PARD3: variants seen among roughly 807,000 people sequenced by gnomAD.
PARD3 encodes the protein par-3 family cell polarity regulator, also known as partitioning defective 3 homolog.
In PARD3, 75 loss-of-function variants were observed where a neutral mutation model predicts 155.4. The ratio of observed to expected loss-of-function variants is 0.48; its 90% CI spans 0.40 to 0.58. PARD3 has a LOEUF of 0.58. Ranked by LOEUF, PARD3 falls within the 20% of genes least tolerant of loss-of-function variation. The pLI is 0.00. For synonymous variants in PARD3, 576 were observed against 610.5 expected (o/e 0.94, Z 0.83); for missense variants, 1,642 against 1,721.7 (o/e 0.95, Z 0.82).
chr10:34,415,071 G>C (rs976199486), intron 5 of PARD3, among the ~76,000 whole-genome samples: 1 of 152,108 alleles, frequency 6.6e-6, no homozygotes, highest in African/African-American at 2.4e-5. Context: ...TCAGGAAGAA[G>C]AACCACCAAC....
chr10:34,313,782 T>C (rs990778991), intron 20 of PARD3, among the ~76,000 whole-genome samples: 1 of 151,930 alleles, frequency 6.6e-6, no homozygotes, highest in Non-Finnish European at 1.5e-5. Flanking sequence ...ATGATGGGGG[T>C]AGGACAGGAT....
intron 2 of PARD3, among the ~76,000 whole-genome samples, chr10:34,541,551 C>T (rs185641044): frequency 2.6e-5 from 4 of 152,174 alleles, no homozygotes; most frequent in Admixed American, 6.5e-5. Flanking sequence ...AACAGCACAA[C>T]CTTTGTCTCC....
At chr10:34,154,831 G>T (rs1948931445) in intron 22 of PARD3, among the ~76,000 whole-genome samples, 1 of 152,060 alleles carries the variant, frequency 6.6e-6, no homozygotes, top group Non-Finnish European at 1.5e-5. Context: ...CGGTTAATTT[G>T]GGAAGACTGA....
Position 34,379,997 on chromosome 10 carries a change from C to A in PARD3, c.1400-1891G>T, listed in dbSNP as rs374785705. Among the ~76,000 whole-genome samples, 228 of 152,140 alleles carry A rather than the reference C, an allele frequency of 1.5e-3. 2 individuals carry two copies. The highest frequency in any genetic ancestry group is 5.3e-3 in the African/African-American group (219 of 41,550). On this transcript the variant is annotated intron_variant, in intron 9 of 24. Transcript: ENST00000374788. ...ACTGCTGCCACTCAAAGCACATTAGCTCACTTTGAACTGAATCTGAAGTTT... is the reference window on the plus strand; with the variant it reads ...ACTGCTGCCACTCAAAGCACATTAGATCACTTTGAACTGAATCTGAAGTTT...
intron 2 of PARD3, among the ~76,000 whole-genome samples, chr10:34,528,491 G>C (rs112925009): frequency 3.3e-5 from 5 of 152,234 alleles, no homozygotes; most frequent in African/African-American, 1.2e-4. Flanking sequence ...CGTGGCCCTA[G>C]GTAACTTCTT....
chr10:34,418,418 C>T (rs796628581), intron 5 of PARD3, among the ~76,000 whole-genome samples: 23 of 152,238 alleles, frequency 1.5e-4, no homozygotes, highest in African/African-American at 5.5e-4. Context: ...AAGCAATCTG[C>T]CCACGTAGGC....
intron 22 of PARD3, among the ~76,000 whole-genome samples, chr10:34,194,197 T>C (rs1019450520): frequency 6.6e-6 from 1 of 152,172 alleles, no homozygotes; most frequent in Non-Finnish European, 1.5e-5. Context: ...AAATAAGACA[T>C]ACTAAGCAAA....
At chr10:34,730,648 G>A (rs2094800120) in intron 1 of PARD3, among the ~76,000 whole-genome samples, 1 of 152,170 alleles carries the variant, frequency 6.6e-6, no homozygotes, top group Non-Finnish European at 1.5e-5. Flanking sequence ...AGCCATGTGT[G>A]ATGATGCATG....
intron 14 of PARD3, among the ~76,000 whole-genome samples, chr10:34,357,443 T>C (rs1839004255): frequency 6.6e-6 from 1 of 152,204 alleles, no homozygotes; most frequent in African/African-American, 2.4e-5. Context: ...AAAACTGTCC[T>C]GTGTAATGGG....
chr10:34,207,496 C>T (rs914933168), intron 22 of PARD3, among the ~76,000 whole-genome samples: 7 of 152,100 alleles, frequency 4.6e-5, no homozygotes, highest in African/African-American at 1.7e-4. Flanking sequence ...AACAACTGTC[C>T]CTGGTCCTCA....
chr10:34,169,742 G>C lies in PARD3; in HGVS notation c.3420-38159C>G, dbSNP rs543478419. ...TAAAGAATGGAGTGAAAGATGGCACGTATAGACTCATGGAAACCACAGTTA... is the reference window on the plus strand; with the variant it reads ...TAAAGAATGGAGTGAAAGATGGCACCTATAGACTCATGGAAACCACAGTTA... On this transcript the variant is annotated intron_variant, in intron 22 of 24. Coordinates refer to ENST00000374788, the MANE Select transcript of PARD3 (RefSeq NM_001184785.2). 3.3e-5 allele frequency among the ~76,000 whole-genome samples: 5 copies of C among 152,276 alleles called. No individual in the cohort carries two copies. In the South Asian group the frequency reaches 1.0e-3, roughly 32 times the overall value.
intron 20 of PARD3, among the ~76,000 whole-genome samples, chr10:34,289,096 G>C (rs1349921188): frequency 6.6e-6 from 1 of 151,978 alleles, no homozygotes; most frequent in Non-Finnish European, 1.5e-5. Flanking sequence ...GAGTAGCTGG[G>C]ACTACAGGTG....
chr10:34,650,018 G>A (rs2092957783), intron 2 of PARD3, among the ~76,000 whole-genome samples: 1 of 152,176 alleles, frequency 6.6e-6, no homozygotes, highest in African/African-American at 2.4e-5. Flanking sequence ...CCCACTGGAA[G>A]GGCTTCAGAG....
intron 3 of PARD3, among the ~76,000 whole-genome samples, chr10:34,480,362 G>A (rs2133193111): frequency 1.3e-5 from 2 of 152,278 alleles, no homozygotes; most frequent in South Asian, 4.1e-4. Flanking sequence ...AGCTGCACCA[G>A]TAACTGAGAC....
chr10:34,721,841 TATAAC>T (rs1387732635), intron 1 of PARD3, among the ~76,000 whole-genome samples: 1 of 152,172 alleles, frequency 6.6e-6, no homozygotes, highest in Non-Finnish European at 1.5e-5. Flanking sequence ...TGTACTAAAT[TATAAC>T]ATACAAACTC....
intron 22 of PARD3, among the ~76,000 whole-genome samples, chr10:34,201,740 G>A (rs565748081): frequency 6.6e-6 from 1 of 152,224 alleles, no homozygotes; most frequent in African/African-American, 2.4e-5. Flanking sequence ...AACACATCAA[G>A]AGATTCATGT....
chr10:34,292,304 T>C (rs1048291301), intron 20 of PARD3, among the ~76,000 whole-genome samples: 1 of 152,236 alleles, frequency 6.6e-6, no homozygotes, highest in African/African-American at 2.4e-5. Context: ...TCACTTCTAA[T>C]ATGTCCTTCC....
intron 1 of PARD3, among the ~76,000 whole-genome samples, chr10:34,804,951 T>C (rs947593180): frequency 1.3e-5 from 2 of 152,236 alleles, no homozygotes; most frequent in African/African-American, 4.8e-5. Context: ...TCTTAAGTGT[T>C]GAAGAAGGAA....
chr10:34,586,265 A>G (rs187524945), intron 2 of PARD3, among the ~76,000 whole-genome samples: 6 of 152,356 alleles, frequency 3.9e-5, no homozygotes, highest in Non-Finnish European at 8.8e-5. Context: ...TTACTTGATT[A>G]AAGGAATTCA....
Sources: allele counts gnomAD v4.1 joint callset (sites outside exome capture counted in the v4.1 genomes callset), GRCh38; gene constraint gnomAD v4.1.1; transcripts MANE v1.5; gene names NCBI Gene and HGNC (gene_info 2026-07-23, HGNC 2026-07-21).